Variants in ATG2B observed in about 807,000 individuals in gnomAD.
The protein encoded by ATG2B is autophagy-related protein 2 homolog B.
A neutral mutation model predicts 241.3 loss-of-function variants in ATG2B; 121 were observed. The ratio of observed to expected loss-of-function variants is 0.50; its 90% CI spans 0.43 to 0.58. The LOEUF (loss-of-function observed/expected upper bound fraction) is 0.58. ATG2B is among the 20% of genes least tolerant of loss of function. The pLI, the probability that ATG2B is intolerant of heterozygous loss-of-function variation, is 0.00. For missense variants in ATG2B, 2,306 were observed against 2,491.6 expected (o/e 0.93, Z 1.59); for synonymous variants, 858 against 876.6 (o/e 0.98, Z 0.37).
intron 1 of ATG2B, among the ~76,000 whole-genome samples, chr14:96,348,723 A>G (rs988928053): frequency 1.2e-4 from 18 of 152,110 alleles, no homozygotes; most frequent in African/African-American, 3.9e-4. Flanking sequence ...CAAGGTGGCT[A>G]CAGTCAATAA....
At chr14:96,319,454 G>A (rs1293129860) in intron 18 of ATG2B, among the ~76,000 whole-genome samples, 1 of 151,960 alleles carries the variant, frequency 6.6e-6, no homozygotes, top group Non-Finnish European at 1.5e-5. Context: ...AACAATTTTC[G>A]ACACAGAAAA....
At chr14:96,299,546 C>T (rs3783424) in intron 34 of ATG2B, among the ~76,000 whole-genome samples, 51,287 of 152,090 alleles carry the variant, frequency 0.34, 9,071 homozygotes, top group Middle Eastern at 0.45. Context: ...TACGCTTTCC[C>T]GGCAGAGTTC....
Position 96,328,513 on chromosome 14 carries a change from G to A in ATG2B, c.1997C>T (p.Ser666Leu). Residue 666 changes from serine (S) to leucine (L), a missense_variant, in exon 14 of 42, where the codon TCA becomes TTA. By Grantham distance (145) the Ser-to-Leu change is moderately radical (BLOSUM62 -2). Around this residue, in one of 2 missense-constraint regions of ATG2B, gnomAD observed 1,927 missense variants for 2,011.2 expected, o/e 0.96. Coordinates refer to ENST00000359933, the MANE Select transcript of ATG2B (RefSeq NM_018036.7). ...GPQGNQARLS[S>L]VPHKAELQIK... The stretch of plus-strand genomic sequence containing the variant: ...TTGCAATTCTGCCTTGTGAGGAACT[G>A]AACTAAGTCTTGCTTGATTACCCTT... The A allele has an allele frequency of 1.2e-6, 2 of 1,603,832 alleles. No homozygotes were observed. The highest frequency in any genetic ancestry group is 1.7e-6 in the Non-Finnish European group (2 of 1,177,100).
chr14:96,353,441 A>G (rs1888385888), intron 1 of ATG2B, among the ~76,000 whole-genome samples: 1 of 152,122 alleles, frequency 6.6e-6, no homozygotes, highest in African/African-American at 2.4e-5. Context: ...CCTAGGCAGC[A>G]TGGTAAAACC....
In ATG2B at chr14:96,281,754, C is replaced by T. The variant is rs1325746624; in HGVS notation, c.*4001G>A. 2 of 152,188 alleles carry T rather than the reference C, an allele frequency of 1.3e-5. No individual in the cohort carries two copies. Among genetic ancestry groups the T allele is most frequent in the African/African-American group, 4.8e-5 (2 of 41,426 alleles). The allele number at this position is 152,188 out of a possible 1,614,324, so 9.4% of individuals were successfully genotyped here. ...CAATCTCTTGAAATGCAGCAGATGG[C>T]ACTCTGGTGCTTCCTATGAAGCAAC... is the stretch of plus-strand genomic sequence containing the variant. On this transcript the variant is annotated 3_prime_UTR_variant, in exon 42 of 42. Transcript: ENST00000359933.
In ATG2B at chr14:96,363,119, G is replaced by C; in HGVS notation, c.-143C>G. 1 of 910,322 alleles carries C rather than the reference G, an allele frequency of 1.1e-6. No individual in the cohort carries two copies. Among genetic ancestry groups the C allele is most frequent in the Non-Finnish European group, 1.7e-6 (1 of 586,888 alleles). 56.4% of individuals were successfully genotyped at this position (910,322 alleles called of 1,614,324 possible). On this transcript the variant is annotated 5_prime_UTR_variant, in exon 1 of 42. Coordinates refer to ENST00000359933, the MANE Select transcript of ATG2B (RefSeq NM_018036.7). The stretch of plus-strand genomic sequence containing the variant: ...CTATTTGGTGCCGGGAGTCCCTCAG[G>C]GAGACCCCATCGCCGGCGCCGCACC...
chr14:96,318,868 C>CACCTACAG (rs1461105780), intron 18 of ATG2B, among the ~76,000 whole-genome samples: 1 of 152,226 alleles, frequency 6.6e-6, no homozygotes, highest in Non-Finnish European at 1.5e-5. Context: ...TAAATCACAG[C>CACCTACAG]ACCTACAGCA....
chr14:96,322,851 T>C (rs1595311312), intron 16 of ATG2B, 116 bp from the exon 17 acceptor site: 1 of 853,322 alleles, frequency 1.2e-6, no homozygotes, highest in Non-Finnish European at 1.7e-6. Flanking sequence ...AGAATTAAAC[T>C]TCTCTACAAA....
intron 5 of ATG2B, among the ~76,000 whole-genome samples, chr14:96,342,011 A>C (rs542581654): frequency 6.6e-6 from 1 of 152,324 alleles, no homozygotes; most frequent in East Asian, 1.9e-4. Context: ...TTTGTAAAAT[A>C]ACAAAAAAGG....
intron 2 of ATG2B, 53 bp downstream of exon 2, chr14:96,347,126 C>T: frequency 7.0e-7 from 1 of 1,422,044 alleles, no homozygotes; most frequent in African/African-American, 1.4e-5. Context: ...AGGTTACTTT[C>T]CCAGTCTCTG....
At chr14:96,356,272 AC>A (rs1310459689) in intron 1 of ATG2B, among the ~76,000 whole-genome samples, 1 of 151,928 alleles carries the variant, frequency 6.6e-6, no homozygotes, top group African/African-American at 2.4e-5. Flanking sequence ...CTACATTTAC[AC>A]CTGCATTAAA....
At chr14:96,316,501 A>G in intron 21 of ATG2B, 32 bp downstream of exon 21, 1 of 1,596,094 alleles carries the variant, frequency 6.3e-7, no homozygotes, top group Non-Finnish European at 8.5e-7. Context: ...ACATGTCTAA[A>G]GAGAAGAAAC....
At position 96,315,176 on chromosome 14, in the gene ATG2B, G is replaced by C; in HGVS notation, c.3620C>G (p.Ser1207Cys). Reference protein sequence around the residue: ...GATLQHRMLPSGLSWHEQILY... With the variant: ...GATLQHRMLPCGLSWHEQILY... ...TACCTGCTCATGCCAGCTAAGCCCA[G>C]AAGGAAGCATTCTATGCTGGAGAGT... is the stretch of plus-strand genomic sequence containing the variant. Residue 1207 changes from serine to cysteine, a missense_variant, in exon 23 of 42, where the codon TCT (serine) becomes TGT (cysteine). Transcript: ENST00000359933. The C allele has an allele frequency of 6.2e-7, 1 of 1,614,066 alleles. No homozygotes were observed. The highest frequency in any genetic ancestry group is 8.5e-7 in the Non-Finnish European group (1 of 1,179,934).
At chr14:96,362,694 A>C (rs1291180097) in intron 1 of ATG2B, 121 bp downstream of exon 1, 2 of 968,968 alleles carry the variant, frequency 2.1e-6, no homozygotes, top group East Asian at 4.9e-5. Context: ...GAGCCGTGTC[A>C]CACTCGGGTC....
At chr14:96,329,069 T>G (rs1783564530) in intron 12 of ATG2B, among the ~76,000 whole-genome samples, 1 of 152,204 alleles carries the variant, frequency 6.6e-6, no homozygotes, top group East Asian at 1.9e-4. Context: ...TTTCTTTAGG[T>G]CACACTTTTA....
At chr14:96,295,378 T>A (rs1566714687) in intron 35 of ATG2B, 104 bp downstream of exon 35, 4 of 860,772 alleles carry the variant, frequency 4.6e-6, no homozygotes, top group Admixed American at 2.7e-5. Context: ...CACATTTATG[T>A]AAGTGGGAAT....
chr14:96,328,213 TTTTA>T, intron 14 of ATG2B, 130 bp downstream of exon 14: 1 of 596,288 alleles, frequency 1.7e-6, no homozygotes. Context: ...TGTCTCCTTT[TTTTA>T]TTATTACAAA....
At position 96,336,277 on chromosome 14, in the gene ATG2B, A is replaced by G. The variant is rs575428045; in HGVS notation, c.925-1776T>C. Among the ~76,000 whole-genome samples the G allele has an allele frequency of 1.6e-4, 25 of 152,156 alleles. 1 individual carries two copies. Among genetic ancestry groups the G allele is most frequent in the South Asian group, 4.1e-4 (2 of 4,836 alleles). ...ATTTTCAGCACCCCTAATTAATGCC[A>G]TCTTTATCTACACTATATTTTATGA... On this transcript the variant is annotated intron_variant, in intron 6 of 41. Coordinates refer to ENST00000359933, the MANE Select transcript of ATG2B (RefSeq NM_018036.7).
intron 5 of ATG2B, among the ~76,000 whole-genome samples, chr14:96,342,101 T>C (rs116603051): frequency 0.022 from 3,279 of 152,250 alleles, 117 homozygotes; most frequent in African/African-American, 0.074. Context: ...ATAAAGCTTT[T>C]TAAAGAGATG....
Sources: allele counts gnomAD v4.1 joint callset (sites outside exome capture counted in the v4.1 genomes callset), GRCh38; gene constraint gnomAD v4.1.1; regional missense constraint gnomAD v4.1.1; transcripts MANE v1.5; gene names NCBI Gene and HGNC (gene_info 2026-07-23, HGNC 2026-07-21).